The following GPC6 variants were observed in gnomAD, a reference collection of about 807,000 sequenced individuals.
The protein encoded by GPC6 is glypican-6.
A neutral mutation model predicts 55.2 loss-of-function variants in GPC6; 14 were observed. The observed-to-expected ratio is 0.25, with a 90% CI of 0.17 to 0.40. The LOEUF is 0.40. Among genes scored for constraint, GPC6 ranks in the 10% least tolerant of loss-of-function variants. The probability of loss-of-function intolerance (pLI) is 1.00; values close to 1 mark genes in which losing one functional copy is unlikely to be tolerated. For synonymous variants in GPC6, 278 were observed against 259.6 expected (o/e 1.07, Z -0.68); for missense variants, 641 against 708.5 (o/e 0.90, Z 1.08).
At chr13:93,975,528 G>A (rs1566630193) in intron 3 of GPC6, among the ~76,000 whole-genome samples, 1 of 152,092 alleles carries the variant, frequency 6.6e-6, no homozygotes, top group Non-Finnish European at 1.5e-5. Flanking sequence ...TTGGCAATAA[G>A]AGAAACAAAA....
At chr13:93,778,880 A>G (rs1327774682) in intron 2 of GPC6, among the ~76,000 whole-genome samples, 1 of 152,144 alleles carries the variant, frequency 6.6e-6, no homozygotes, top group Non-Finnish European at 1.5e-5. Context: ...CAATGAGGTT[A>G]TGGCCATGTT....
chr13:94,084,243 C>T (rs1382956872), intron 4 of GPC6, among the ~76,000 whole-genome samples: 1 of 152,140 alleles, frequency 6.6e-6, no homozygotes, highest in African/African-American at 2.4e-5. Flanking sequence ...GCCACTTCTT[C>T]CTTTAGAGAG....
intron 1 of GPC6, among the ~76,000 whole-genome samples, chr13:93,360,534 G>A: frequency 6.6e-6 from 1 of 152,162 alleles, no homozygotes. Context: ...ATGGATTTAT[G>A]AAATATGAGA....
At chr13:93,445,662 T>C (rs1877973337) in intron 1 of GPC6, among the ~76,000 whole-genome samples, 1 of 152,242 alleles carries the variant, frequency 6.6e-6, no homozygotes, top group African/African-American at 2.4e-5. Flanking sequence ...AATTCTGTAA[T>C]GTTATGTCAT....
chr13:94,234,478 T>A (rs1469399018), intron 4 of GPC6, among the ~76,000 whole-genome samples: 1 of 149,972 alleles, frequency 6.7e-6, no homozygotes, highest in African/African-American at 2.5e-5. Flanking sequence ...TATGTCTCTG[T>A]TGAACAAAAG....
At chr13:94,126,562 A>G (rs144102024) in intron 4 of GPC6, among the ~76,000 whole-genome samples, 64 of 152,288 alleles carry the variant, frequency 4.2e-4, no homozygotes, top group Middle Eastern at 6.8e-3. Context: ...GTTCTCTAAA[A>G]TTAATTTCTG....
intron 3 of GPC6, among the ~76,000 whole-genome samples, chr13:93,943,881 G>C (rs934125915): frequency 9.8e-5 from 15 of 152,308 alleles, no homozygotes; most frequent in African/African-American, 2.6e-4. Flanking sequence ...AATAATTGCT[G>C]TTTCCGTCAT....
At chr13:94,111,544 C>T (rs1407732027) in intron 4 of GPC6, among the ~76,000 whole-genome samples, 1 of 150,998 alleles carries the variant, frequency 6.6e-6, no homozygotes, top group South Asian at 2.1e-4. Context: ...TCTATTTACT[C>T]ATGGACATTT....
intron 2 of GPC6, among the ~76,000 whole-genome samples, chr13:93,664,819 G>A (rs1881070542): frequency 6.6e-6 from 1 of 152,116 alleles, no homozygotes; most frequent in Non-Finnish European, 1.5e-5. Flanking sequence ...TTTTTACTTG[G>A]ATTAGAGAAT....
chr13:94,012,590 AC>A (rs1882293739), intron 3 of GPC6, among the ~76,000 whole-genome samples: 1 of 152,226 alleles, frequency 6.6e-6, no homozygotes, highest in Non-Finnish European at 1.5e-5. Context: ...CCAAAAAACC[AC>A]AATGTGTTGT....
At chr13:93,824,324 AG>A (rs1254774657) in intron 2 of GPC6, among the ~76,000 whole-genome samples, 7 of 152,246 alleles carry the variant, frequency 4.6e-5, no homozygotes, top group Non-Finnish European at 1.0e-4. Flanking sequence ...ATTGAGTGGA[AG>A]AAGGCTTTAT....
intron 1 of GPC6, among the ~76,000 whole-genome samples, chr13:93,419,950 G>A (rs1030914955): frequency 1.3e-5 from 2 of 152,086 alleles, no homozygotes; most frequent in Non-Finnish European, 2.9e-5. Context: ...AAGAAGGAAA[G>A]ATTAATTGTT....
At chr13:94,236,173 T>G (rs1594084904) in intron 4 of GPC6, among the ~76,000 whole-genome samples, 2 of 152,304 alleles carry the variant, frequency 1.3e-5, no homozygotes, top group Admixed American at 1.3e-4. Context: ...GATCTTGGAA[T>G]GTGTTTCATC....
chr13:93,519,904 G>A (rs1007122896), intron 1 of GPC6, among the ~76,000 whole-genome samples: 8 of 151,926 alleles, frequency 5.3e-5, no homozygotes, highest in Non-Finnish European at 7.4e-5. Context: ...AAACTGAAAC[G>A]AATTTTGTCA....
chr13:93,776,914 A>G (rs537667687), intron 2 of GPC6, among the ~76,000 whole-genome samples: 28 of 152,302 alleles, frequency 1.8e-4, no homozygotes, highest in African/African-American at 6.7e-4. Context: ...AATAATGACA[A>G]ACTATACGGA....
intron 6 of GPC6, among the ~76,000 whole-genome samples, chr13:94,368,325 A>T (rs1879378168): frequency 6.6e-6 from 1 of 152,164 alleles, no homozygotes; most frequent in Non-Finnish European, 1.5e-5. Context: ...CATATGGTCA[A>T]AGTCGGCTTT....
chr13:94,121,017 A>T (rs1886611857), intron 4 of GPC6, among the ~76,000 whole-genome samples: 1 of 152,104 alleles, frequency 6.6e-6, no homozygotes, highest in Non-Finnish European at 1.5e-5. Context: ...TCACAGAGGG[A>T]CCATTAAAAA....
chr13:93,848,885 C>T (rs993579643), intron 3 of GPC6, among the ~76,000 whole-genome samples: 15 of 152,078 alleles, frequency 9.9e-5, no homozygotes, highest in African/African-American at 3.4e-4. Flanking sequence ...AAACCCAGCT[C>T]GCTTGCCTCA....
At chr13:93,500,936 A>G (rs1436527120) in intron 1 of GPC6, among the ~76,000 whole-genome samples, 1 of 152,194 alleles carries the variant, frequency 6.6e-6, no homozygotes, top group African/African-American at 2.4e-5. Flanking sequence ...GAAAATGGCA[A>G]TGACCTCAGT....
Sources: allele counts gnomAD v4.1 joint callset (sites outside exome capture counted in the v4.1 genomes callset), GRCh38; gene constraint gnomAD v4.1.1; transcripts MANE v1.5; gene names NCBI Gene and HGNC (gene_info 2026-07-23, HGNC 2026-07-21).